Variants in NDUFAF6 observed in about 807,000 individuals in gnomAD.
NDUFAF6 encodes NADH:ubiquinone oxidoreductase complex assembly factor 6, also known as NADH dehydrogenase (ubiquinone) complex I, assembly factor 6.
Under a neutral mutation model 40.8 loss-of-function variants are expected in NDUFAF6, and 45 were observed. That is an observed-to-expected ratio of 1.10 (90% CI 0.87 to 1.42). NDUFAF6 has a LOEUF of 1.42. NDUFAF6 is among the 40% of genes most tolerant of loss of function. The pLI is 0.00. For synonymous variants in NDUFAF6, 185 were observed against 155.9 expected, an observed-to-expected ratio of 1.19 and a Z score of -1.39; for missense variants, 435 against 418.5, an observed-to-expected ratio of 1.04 and a Z score of -0.34.
intron 2 of NDUFAF6, among the ~76,000 whole-genome samples, chr8:95,000,632 CAAAA>C (rs567449511): frequency 8.7e-6 from 1 of 114,316 alleles, no homozygotes. Flanking sequence ...ACATAGTAAG[CAAAA>C]AAAAAAAAAA....
upstream of NDUFAF6, among the ~76,000 whole-genome samples, chr8:94,956,017 T>A (rs1233799454): frequency 1.3e-5 from 2 of 152,198 alleles, no homozygotes; most frequent in Non-Finnish European, 2.9e-5. Flanking sequence ...GAGAAGCAGC[T>A]GAATCAGCTG....
intron 1 of NDUFAF6, among the ~76,000 whole-genome samples, chr8:94,936,028 T>C (rs1013447478): frequency 3.3e-5 from 5 of 152,126 alleles, no homozygotes; most frequent in African/African-American, 1.2e-4. Context: ...TGTCTGATAG[T>C]CTTATGTGGA....
chr8:95,064,593 A>C (rs975934000), intron 9 of NDUFAF6, among the ~76,000 whole-genome samples: 2 of 152,032 alleles, frequency 1.3e-5, no homozygotes, highest in Non-Finnish European at 2.9e-5. Context: ...TTTCTGGCTC[A>C]TAACTCCCAT....
chr8:95,050,281 TAAAC>T (rs1412846126), intron 7 of NDUFAF6, among the ~76,000 whole-genome samples: 1 of 152,216 alleles, frequency 6.6e-6, no homozygotes, highest in East Asian at 1.9e-4. Flanking sequence ...CAAATGATTT[TAAAC>T]AGCCAGATTT....
chr8:95,041,695 G>A, intron 4 of NDUFAF6, 69 bp downstream of exon 4: 2 of 1,291,320 alleles, frequency 1.5e-6, no homozygotes, highest in African/African-American at 1.5e-5. Flanking sequence ...TCTTCAAGAA[G>A]GACATTTTTT....
intron 2 of NDUFAF6, among the ~76,000 whole-genome samples, chr8:95,018,718 C>T (rs946046836): frequency 2.0e-5 from 3 of 152,080 alleles, no homozygotes; most frequent in Non-Finnish European, 4.4e-5. Flanking sequence ...TGGACAGCAA[C>T]CAATTCAGGT....
rs993650827 is a variant in NDUFAF6 at position 95,036,492 on chromosome 8, G to A, written c.420+916G>A. 6 of 1,289,344 alleles carry A rather than the reference G, an allele frequency of 4.7e-6. No individual in the cohort carries two copies. In the South Asian group the frequency reaches 7.4e-5, roughly 16 times the overall value. The allele number at this position is 1,289,344 out of a possible 1,614,324, so 79.9% of individuals were successfully genotyped here. ...ATTGAGAAGAAAAAGTGGATGGGAA[G>A]CTGTGAGTATTAGATTAGTTCTTTA... On this transcript the variant is annotated intron_variant, in intron 3 of 8. Transcript: ENST00000396124.
chr8:95,093,673 G>C (rs1380007105), intron 2 of NDUFAF6, among the ~76,000 whole-genome samples: 1 of 152,228 alleles, frequency 6.6e-6, no homozygotes, highest in East Asian at 1.9e-4. Context: ...CAAATTGGAA[G>C]TGTCCTGGGC....
intron 2 of NDUFAF6, among the ~76,000 whole-genome samples, chr8:94,994,415 G>A (rs770961998): frequency 1.3e-5 from 2 of 152,076 alleles, no homozygotes; most frequent in Admixed American, 1.3e-4. Context: ...GCTGGGCATG[G>A]TGGCTGGCAC....
intron 6 of NDUFAF6, among the ~76,000 whole-genome samples, chr8:95,048,144 T>TGA (rs1831020374): frequency 1.3e-5 from 2 of 152,106 alleles, no homozygotes; most frequent in Non-Finnish European, 2.9e-5. Flanking sequence ...TAATGAGCCA[T>TGA]GATTGCACCA....
At chr8:95,022,141 T>A (rs1827715916), upstream of NDUFAF6, among the ~76,000 whole-genome samples, 1 of 152,192 alleles carries the variant, frequency 6.6e-6, no homozygotes, top group South Asian at 2.1e-4. Flanking sequence ...TGAACTATAA[T>A]GCTGTAATTA....
At chr8:95,070,764 A>G (rs1832822874) in intron 9 of NDUFAF6, among the ~76,000 whole-genome samples, 1 of 152,234 alleles carries the variant, frequency 6.6e-6, no homozygotes, top group African/African-American at 2.4e-5. Flanking sequence ...CAAGCTGGGC[A>G]GAGAATTTCT....
At chr8:95,036,495 G>A in intron 3 of NDUFAF6, 1 of 1,289,248 alleles carries the variant, frequency 7.8e-7, no homozygotes, top group Non-Finnish European at 1.0e-6. Context: ...ATGGGAAGCT[G>A]TGAGTATTAG....
At chr8:94,965,966 A>G (rs530183823) in intron 1 of NDUFAF6, among the ~76,000 whole-genome samples, 2 of 152,326 alleles carry the variant, frequency 1.3e-5, no homozygotes, top group Non-Finnish European at 2.9e-5. Flanking sequence ...TTGCTCACCC[A>G]TGGTTACTCA....
intron 1 of NDUFAF6, among the ~76,000 whole-genome samples, chr8:94,913,892 A>G (rs1818947565): frequency 6.6e-6 from 1 of 152,108 alleles, no homozygotes; most frequent in Non-Finnish European, 1.5e-5. Flanking sequence ...CCTGAGCTTA[A>G]GCGATTCTCC....
chr8:95,025,245 G>A (rs1392464567), intron 1 of NDUFAF6, 40 bp downstream of exon 1: 5 of 1,357,954 alleles, frequency 3.7e-6, no homozygotes, highest in South Asian at 1.8e-5. Flanking sequence ...CGGGAAGCGG[G>A]GTCCCGGGGT....
At chr8:94,999,663 C>T (rs1226478428) in intron 2 of NDUFAF6, among the ~76,000 whole-genome samples, 1 of 152,096 alleles carries the variant, frequency 6.6e-6, no homozygotes, top group African/African-American at 2.4e-5. Flanking sequence ...GTGATCCACC[C>T]ACCTCGGTCT....
upstream of NDUFAF6, among the ~76,000 whole-genome samples, chr8:95,100,125 C>G (rs1280327945): frequency 6.6e-6 from 1 of 152,100 alleles, no homozygotes; most frequent in African/African-American, 2.4e-5. Flanking sequence ...CTACCTTTCT[C>G]CCCTCTTAAT....
chr8:94,960,268 T>A (rs1278940156), intron 1 of NDUFAF6, among the ~76,000 whole-genome samples: 1 of 152,236 alleles, frequency 6.6e-6, no homozygotes, highest in Non-Finnish European at 1.5e-5. Flanking sequence ...TGCCAACATT[T>A]CCTTCTTGAC....
Sources: allele counts gnomAD v4.1 joint callset (sites outside exome capture counted in the v4.1 genomes callset), GRCh38; gene constraint gnomAD v4.1.1; transcripts MANE v1.5; gene names NCBI Gene and HGNC (gene_info 2026-07-23, HGNC 2026-07-21).